SPON1: variants seen among roughly 807,000 people sequenced by gnomAD.
SPON1 encodes spondin-1.
In SPON1, 52 loss-of-function variants were observed where a neutral mutation model predicts 111.7. The observed-to-expected ratio is 0.47, with a 90% CI of 0.37 to 0.59. The LOEUF is 0.59. Ranked by LOEUF, SPON1 falls within the 20% of genes least tolerant of loss-of-function variation. The pLI, the probability that SPON1 is intolerant of heterozygous loss-of-function variation, is 0.00. For synonymous variants in SPON1, 410 were observed against 395.8 expected, an observed-to-expected ratio of 1.04 and a Z score of -0.43; for missense variants, 957 against 1,068.5, an observed-to-expected ratio of 0.90 and a Z score of 1.46.
intron 5 of SPON1, among the ~76,000 whole-genome samples, chr11:14,082,446 C>T (rs902381317): frequency 1.3e-5 from 2 of 152,164 alleles, no homozygotes; most frequent in Admixed American, 6.5e-5. Context: ...GTCTTTCTTT[C>T]CCACTAGACC....
intron 5 of SPON1, among the ~76,000 whole-genome samples, chr11:14,112,735 G>T (rs1487774463): frequency 6.6e-6 from 1 of 152,172 alleles, no homozygotes; most frequent in Non-Finnish European, 1.5e-5. Flanking sequence ...CTATCCAGCT[G>T]ACTCTGTCCT....
At chr11:14,232,298 A>G (rs2133912589) in intron 6 of SPON1, among the ~76,000 whole-genome samples, 1 of 152,184 alleles carries the variant, frequency 6.6e-6, no homozygotes, top group East Asian at 1.9e-4. Context: ...CTCCTCCGGA[A>G]TGTAAGCTCC....
chr11:13,976,797 C>G (rs1848106934), intron 1 of SPON1, among the ~76,000 whole-genome samples: 1 of 152,172 alleles, frequency 6.6e-6, no homozygotes, highest in Admixed American at 6.5e-5. Flanking sequence ...GATCAAGAAA[C>G]AGATCATGAC....
intron 5 of SPON1, among the ~76,000 whole-genome samples, chr11:14,081,416 T>C (rs540357364): frequency 2.0e-5 from 3 of 152,336 alleles, no homozygotes; most frequent in African/African-American, 7.2e-5. Context: ...ACATATGTTA[T>C]AGTGTTTAAT....
At chr11:13,983,352 C>G (rs548067420) in intron 2 of SPON1, among the ~76,000 whole-genome samples, 2 of 152,284 alleles carry the variant, frequency 1.3e-5, no homozygotes, top group Admixed American at 1.3e-4. Flanking sequence ...GTTCAAAGCA[C>G]AGGAGAAGGA....
intron 2 of SPON1, among the ~76,000 whole-genome samples, chr11:13,987,700 T>G (rs1321720193): frequency 3.9e-5 from 6 of 152,140 alleles, no homozygotes; most frequent in Admixed American, 3.9e-4. Flanking sequence ...ACATTTAAGT[T>G]TCTGATCCAC....
intron 15 of SPON1, among the ~76,000 whole-genome samples, chr11:14,263,821 G>A (rs1554942167): frequency 6.6e-6 from 1 of 151,988 alleles, no homozygotes; most frequent in East Asian, 1.9e-4. Flanking sequence ...TTGAGGTCAG[G>A]AGTTTGAGAC....
chr11:14,039,531 T>C (rs1554917057), intron 2 of SPON1, among the ~76,000 whole-genome samples: 1 of 152,150 alleles, frequency 6.6e-6, no homozygotes, highest in African/African-American at 2.4e-5. Flanking sequence ...AAATAAAATT[T>C]ATTAATGTTT....
At chr11:14,127,302 G>GAAA (rs11398250) in intron 5 of SPON1, among the ~76,000 whole-genome samples, 7 of 137,042 alleles carry the variant, frequency 5.1e-5, no homozygotes, top group South Asian at 2.4e-4. Context: ...TCTGACCTCC[G>GAAA]AAAAAAAAAA....
At position 13,963,076 on chromosome 11, in the gene SPON1, T is replaced by C; in HGVS notation, c.172T>C (p.Tyr58His). The change falls in exon 1 of 16, where the codon TAC (tyrosine) becomes CAC (histidine). Residue 58 changes from tyrosine (Y) to histidine (H), a missense_variant. By Grantham distance (83) the Tyr-to-His change is moderately conservative. Around this residue, in one of 5 missense-constraint regions of SPON1, gnomAD observed 262 missense variants for 253.9 expected, o/e 1.03. Coordinates refer to ENST00000576479, the MANE Select transcript of SPON1 (RefSeq NM_006108.4). The part of the protein sequence containing the change: ...LRAQGTRREG[Y>H]TEFSLRVEGD... ...CGCCCAGGGCACGCGGCGCGAGGGCTACACCGAGTTCAGCCTCCGCGTGGA... is the reference window on the plus strand; with the variant it reads ...CGCCCAGGGCACGCGGCGCGAGGGCCACACCGAGTTCAGCCTCCGCGTGGA... 1 of 1,569,054 alleles carries C rather than the reference T, an allele frequency of 6.4e-7. No individual in the cohort carries two copies. Among genetic ancestry groups the C allele is most frequent in the African/African-American group, 1.4e-5 (1 of 72,728 alleles).
rs188388451 is a variant in SPON1, at chr11:14,001,591, T to A, written c.345+18638T>A. On this transcript the variant is annotated intron_variant, in intron 2 of 15. Coordinates refer to ENST00000576479, the MANE Select transcript of SPON1 (RefSeq NM_006108.4). ...ACAAAGATTCTGCCCCAATAAAATATTGAGATTTAATCAAAAGATAGACCG... is the reference window on the plus strand; with the variant it reads ...ACAAAGATTCTGCCCCAATAAAATAATGAGATTTAATCAAAAGATAGACCG... 1.1e-3 allele frequency among the ~76,000 whole-genome samples: 170 copies of A among 152,296 alleles called. 1 individual carries two copies. The highest frequency in any genetic ancestry group is 4.0e-3 in the African/African-American group (165 of 41,560).
intron 6 of SPON1, among the ~76,000 whole-genome samples, chr11:14,193,015 A>G (rs1049457793): frequency 6.6e-6 from 1 of 152,184 alleles, no homozygotes; most frequent in Admixed American, 6.5e-5. Context: ...TGCAGCTCCT[A>G]TGCAAAAGAC....
At chr11:13,996,659 T>C (rs1466917609) in intron 2 of SPON1, among the ~76,000 whole-genome samples, 1 of 152,164 alleles carries the variant, frequency 6.6e-6, no homozygotes, top group Non-Finnish European at 1.5e-5. Flanking sequence ...CATTAACATT[T>C]GGGTATATTT....
At chr11:14,120,193 G>T (rs1554926368) in intron 5 of SPON1, among the ~76,000 whole-genome samples, 1 of 152,092 alleles carries the variant, frequency 6.6e-6, no homozygotes, top group African/African-American at 2.4e-5. Flanking sequence ...ATAACAATAT[G>T]TAAGCATATA....
intron 2 of SPON1, among the ~76,000 whole-genome samples, chr11:14,019,356 A>T (rs1442046048): frequency 6.6e-6 from 1 of 150,518 alleles, no homozygotes; most frequent in Non-Finnish European, 1.5e-5. Flanking sequence ...ATGTATATTA[A>T]TTATATATTA....
chr11:14,196,909 A>C (rs1848408711), intron 6 of SPON1, among the ~76,000 whole-genome samples: 1 of 152,110 alleles, frequency 6.6e-6, no homozygotes, highest in Admixed American at 6.6e-5. Flanking sequence ...AATTAGCCAG[A>C]TGTAGTGGTG....
chr11:14,180,592 C>T (rs1554933606), intron 6 of SPON1, among the ~76,000 whole-genome samples: 1 of 152,202 alleles, frequency 6.6e-6, no homozygotes, highest in Non-Finnish European at 1.5e-5. Context: ...TGACTTCTAT[C>T]GCACCCTGTT....
intron 6 of SPON1, among the ~76,000 whole-genome samples, chr11:14,173,264 C>T (rs1430799109): frequency 6.6e-6 from 1 of 152,168 alleles, no homozygotes; most frequent in Non-Finnish European, 1.5e-5. Context: ...CGCTGATACC[C>T]TTTCTTCCAG....
chr11:14,128,747 T>TGCA (rs1486719353), intron 5 of SPON1, among the ~76,000 whole-genome samples: 10 of 152,328 alleles, frequency 6.6e-5, no homozygotes, highest in African/African-American at 2.4e-4. Context: ...GCTCTGCCCC[T>TGCA]GCAGCAGGCT....
Sources: allele counts gnomAD v4.1 joint callset (sites outside exome capture counted in the v4.1 genomes callset), GRCh38; gene constraint gnomAD v4.1.1; regional missense constraint gnomAD v4.1.1; transcripts MANE v1.5; gene names NCBI Gene and HGNC (gene_info 2026-07-23, HGNC 2026-07-21).